OTULIN: variants seen among roughly 807,000 people sequenced by gnomAD.
The protein encoded by OTULIN is OTU deubiquitinase with linear linkage specificity.
Under a neutral mutation model 39.6 loss-of-function variants are expected in OTULIN, and 15 were observed. The ratio of observed to expected loss-of-function variants is 0.38; its 90% CI spans 0.25 to 0.58. The LOEUF (loss-of-function observed/expected upper bound fraction) is 0.58, where lower values mean the gene tolerates loss of function less well. Among genes scored for constraint, OTULIN ranks in the 20% least tolerant of loss-of-function variants. OTULIN has a pLI of 0.66. For synonymous variants in OTULIN, 156 were observed against 170.3 expected (o/e 0.92, Z 0.65); for missense variants, 319 against 445.9 (o/e 0.72, Z 2.56).
chr5:14,699,307 A>G lies in OTULIN; in HGVS notation c.*6259A>G, dbSNP rs1736749139. On this transcript the variant is annotated 3_prime_UTR_variant, in exon 7 of 7. Transcript: ENST00000284274. ...GGGGATAGAGAATGAAGTTTGAGTC[A>G]GCAGAGCTCTGCCTTCCTGTTTGTC... 6.6e-6 allele frequency: 1 copy of G among 152,276 alleles called. No individual in the cohort carries two copies. Among genetic ancestry groups the G allele is most frequent in the South Asian group, 2.1e-4 (1 of 4,832 alleles). The allele number at this position is 152,276 out of a possible 1,614,324, so 9.4% of individuals were successfully genotyped here.
At chr5:14,666,841 T>C (rs1169810873) in intron 1 of OTULIN, among the ~76,000 whole-genome samples, 2 of 152,186 alleles carry the variant, frequency 1.3e-5, no homozygotes, top group African/African-American at 4.8e-5. Context: ...GTGGGCTGTT[T>C]CTCTATGGTA....
chr5:14,714,416 C>A, the OTULIN span, among the ~76,000 whole-genome samples: 4 of 152,220 alleles, frequency 2.6e-5, no homozygotes, highest in African/African-American at 9.6e-5. Flanking sequence ...ACTGGAAAGG[C>A]TTGAGGACGC....
chr5:14,685,835 T>TTTTTTTTTTTTTTTTTGAGACGGAGTCTC (rs1553996401), intron 4 of OTULIN, among the ~76,000 whole-genome samples: 1 of 151,914 alleles, frequency 6.6e-6, no homozygotes, highest in Non-Finnish European at 1.5e-5. Flanking sequence ...TGTAGTTCTT[T>TTTTTTTTTTTTTTTTTGAGACGGAGTCTC]GTGCCCAATT....
the OTULIN span, among the ~76,000 whole-genome samples, chr5:14,715,815 A>G: frequency 6.6e-6 from 1 of 152,230 alleles, no homozygotes; most frequent in Non-Finnish European, 1.5e-5. Flanking sequence ...ATTCTTGTGT[A>G]TAGTACACCT....
At chr5:14,706,601 C>A in the OTULIN span, 1 of 152,122 alleles carries the variant, frequency 6.6e-6, no homozygotes, top group Non-Finnish European at 1.5e-5. Context: ...TATTTTGATT[C>A]CACAATGCAA....
At chr5:14,667,338 T>C (rs1030900207) in intron 1 of OTULIN, among the ~76,000 whole-genome samples, 2 of 152,144 alleles carry the variant, frequency 1.3e-5, no homozygotes, top group Non-Finnish European at 2.9e-5. Flanking sequence ...GTGAGAGAAG[T>C]GGGGGAAAAG....
downstream of OTULIN, among the ~76,000 whole-genome samples, chr5:14,700,410 C>G (rs990908527): frequency 6.6e-6 from 1 of 152,144 alleles, no homozygotes; most frequent in East Asian, 1.9e-4. Flanking sequence ...TTGGCATGTT[C>G]AGGGTAGGAA....
At chr5:14,667,473 A>T (rs1047624469) in intron 1 of OTULIN, among the ~76,000 whole-genome samples, 6 of 152,206 alleles carry the variant, frequency 3.9e-5, no homozygotes, top group Non-Finnish European at 8.8e-5. Context: ...TCTGGGCTCA[A>T]GCGATCCTCC....
At chr5:14,676,194 C>T (rs1399500668) in intron 2 of OTULIN, among the ~76,000 whole-genome samples, 1 of 152,200 alleles carries the variant, frequency 6.6e-6, no homozygotes, top group Non-Finnish European at 1.5e-5. Context: ...GATGAAGCCT[C>T]TTGGTTATTT....
At chr5:14,685,251 G>A (rs1225755467) in intron 4 of OTULIN, among the ~76,000 whole-genome samples, 3 of 152,124 alleles carry the variant, frequency 2.0e-5, no homozygotes, top group Non-Finnish European at 2.9e-5. Flanking sequence ...TTTCTGTTGT[G>A]GTATCAAGAA....
chr5:14,713,705 C>T, the OTULIN span: 3 of 1,612,282 alleles, frequency 1.9e-6, no homozygotes, highest in East Asian at 2.2e-5. This position sits in a 1 kb window ranked among gnomAD's most constrained non-coding sequence, Gnocchi z 4.4. Context: ...GCCGTGCCCG[C>T]CATCCACTCC....
chr5:14,711,104 AAAAG>A, the OTULIN span: 22 of 1,173,306 alleles, frequency 1.9e-5, no homozygotes, highest in African/African-American at 3.0e-5. Context: ...CAAAACAAAA[AAAAG>A]GGAACAAAAT....
chr5:14,700,269 G>T (rs1275644122), downstream of OTULIN, among the ~76,000 whole-genome samples: 1 of 152,188 alleles, frequency 6.6e-6, no homozygotes. Context: ...CAGGCCCTTT[G>T]GTTGCAAGTA....
At chr5:14,681,694 G>A in intron 4 of OTULIN, 87 bp downstream of exon 4, 1 of 1,419,626 alleles carries the variant, frequency 7.0e-7, no homozygotes, top group African/African-American at 1.4e-5. Flanking sequence ...CTACCTTCTA[G>A]TATCGTCTGC....
chr5:14,681,847 G>A (rs141243688), intron 4 of OTULIN, among the ~76,000 whole-genome samples: 3 of 152,330 alleles, frequency 2.0e-5, no homozygotes, highest in East Asian at 1.9e-4. Context: ...TTAGAGAGCA[G>A]ATGTTTGTAT....
At chr5:14,712,949 C>A in the OTULIN span, 1 of 1,613,408 alleles carries the variant, frequency 6.2e-7, no homozygotes, top group Non-Finnish European at 8.5e-7. Flanking sequence ...GGAGGGAGCC[C>A]ACGCCCAGGG....
the OTULIN span, among the ~76,000 whole-genome samples, chr5:14,715,758 TCAAC>T: frequency 1.3e-5 from 2 of 152,246 alleles, no homozygotes; most frequent in African/African-American, 2.4e-5. Context: ...TGTATACTAA[TCAAC>T]CATTCTGCAA....
rs1405593568 is a variant in OTULIN at position 14,698,214 on chromosome 5, T to G, written c.*5166T>G. ...AAGCCAACTTTAGACCCTCTGCCAG[T>G]GGCGATGGTGTTTTTCTTCCATGGG... is the stretch of plus-strand genomic sequence containing the variant. On this transcript the variant is annotated 3_prime_UTR_variant, in exon 7 of 7. Coordinates refer to ENST00000284274, the MANE Select transcript of OTULIN (RefSeq NM_138348.6). 6.6e-6 allele frequency: 1 copy of G among 152,264 alleles called. No homozygotes were observed. Among genetic ancestry groups the G allele is most frequent in the African/African-American group, 2.4e-5 (1 of 41,460 alleles). 9.4% of individuals were successfully genotyped at this position (152,264 alleles called of 1,614,324 possible). A position where few individuals can be genotyped will look rare whatever the true frequency, so the allele number is the denominator to read the frequency against.
At chr5:14,669,164 C>T (rs929165946) in intron 1 of OTULIN, among the ~76,000 whole-genome samples, 6 of 151,266 alleles carry the variant, frequency 4.0e-5, no homozygotes, top group African/African-American at 1.2e-4. Flanking sequence ...CAGGAGTTCA[C>T]GACCAGCCTG....
Sources: allele counts gnomAD v4.1 joint callset (sites outside exome capture counted in the v4.1 genomes callset), GRCh38; gene constraint gnomAD v4.1.1; non-coding constraint Gnocchi (gnomAD v3.1); transcripts MANE v1.5; gene names NCBI Gene and HGNC (gene_info 2026-07-23, HGNC 2026-07-21).